Variants in OTOA observed in about 807,000 individuals in gnomAD.
OTOA encodes otoancorin.
A neutral mutation model predicts 110.8 loss-of-function variants in OTOA; 70 were observed. That is an observed-to-expected ratio of 0.63 (90% confidence interval 0.52 to 0.77). The LOEUF (loss-of-function observed/expected upper bound fraction) is 0.77, where lower values mean the gene tolerates loss of function less well. Among genes scored for constraint, OTOA ranks in the 30% least tolerant of loss-of-function variants. OTOA has a pLI of 0.00. For missense variants in OTOA, 917 were observed against 1,075.8 expected, an observed-to-expected ratio of 0.85 and a Z score of 2.06; for synonymous variants, 373 against 431.5, an observed-to-expected ratio of 0.86 and a Z score of 1.68.
In OTOA at chr16:21,687,777, C is replaced by T. The variant is rs552466353; in HGVS notation, c.635+129C>T. The T allele has an allele frequency of 1.3e-5, 11 of 828,592 alleles. No homozygotes were observed. In the East Asian group the frequency reaches 2.2e-4, roughly 16 times the overall value. The allele number at this position is 828,592 out of a possible 1,614,324, so 51.3% of individuals were successfully genotyped here. ...CTGCCTCCCAGGTTCAAGTGATTCT[C>T]CTGCCTCAATTCCAAGTAGCTGGGA... On this transcript the variant is annotated intron_variant, in intron 8 of 28. Transcript: ENST00000646100.
chr16:21,688,804 G>A (rs1897772535), intron 8 of OTOA, among the ~76,000 whole-genome samples: 1 of 152,116 alleles, frequency 6.6e-6, no homozygotes, highest in African/African-American at 2.4e-5. Flanking sequence ...ATACCTTCAT[G>A]TTGGGAATTA....
intron 21 of OTOA, among the ~76,000 whole-genome samples, chr16:21,731,949 A>T (rs1359550890): frequency 6.6e-6 from 1 of 152,062 alleles, no homozygotes; most frequent in African/African-American, 2.4e-5. Context: ...TGATGCACAC[A>T]TGTTTATTTT....
At chr16:21,669,517 T>C (rs1966846306) in intron 1 of OTOA, among the ~76,000 whole-genome samples, 1 of 152,176 alleles carries the variant, frequency 6.6e-6, no homozygotes, top group Non-Finnish European at 1.5e-5. Context: ...CTTCTCAAGC[T>C]TAGTATGTCC....
intron 9 of OTOA, 79 bp from the exon 10 acceptor site, chr16:21,697,696 T>C: frequency 7.9e-7 from 1 of 1,263,294 alleles, no homozygotes; most frequent in Non-Finnish European, 1.2e-6. Flanking sequence ...ACAGCAAAGA[T>C]GCTGTTGACT....
chr16:21,690,402 A>T (rs995350842), intron 8 of OTOA, among the ~76,000 whole-genome samples: 4 of 148,546 alleles, frequency 2.7e-5, no homozygotes, highest in Non-Finnish European at 5.9e-5. Flanking sequence ...TGTCCATGTG[A>T]TCTCATCGTT....
At chr16:21,760,162 G>A (rs1485955872) in intron 28 of OTOA, among the ~76,000 whole-genome samples, 1 of 151,848 alleles carries the variant, frequency 6.6e-6, no homozygotes, top group Non-Finnish European at 1.5e-5. Context: ...AATCACCTGG[G>A]AGAGATGCTT....
At chr16:21,705,469 C>A in intron 12 of OTOA, 177 bp downstream of exon 12, 3 of 947,734 alleles carry the variant, frequency 3.2e-6, no homozygotes, top group Non-Finnish European at 4.7e-6. Context: ...GAAGCCCAGA[C>A]AGAAAATAGC....
chr16:21,687,610 G>T lies in OTOA; in HGVS notation c.597G>T (p.Arg199=). 1 of 1,613,786 alleles carries T rather than the reference G, an allele frequency of 6.2e-7. No individual in the cohort carries two copies. Among genetic ancestry groups the T allele is most frequent in the Non-Finnish European group, 8.5e-7 (1 of 1,179,968 alleles). Residue 199 remains arginine (R), a synonymous_variant, in exon 8 of 29, where the codon CGG becomes CGT. Coordinates refer to ENST00000646100, the MANE Select transcript of OTOA (RefSeq NM_144672.4). ...GSFLQPDITE[R]LPRDLREDAF... ...TTCTCCAGCCAGACATCACAGAGCG[G>T]CTCCCTCGGGACCTGCGCGAGGATG...
chr16:21,692,132 G>C (rs547601306), intron 9 of OTOA, among the ~76,000 whole-genome samples: 8 of 152,254 alleles, frequency 5.3e-5, no homozygotes, highest in African/African-American at 1.9e-4. Flanking sequence ...TTTGAGACCA[G>C]CCTGACCGAC....
At chr16:21,675,887 T>C (rs1191320516) in intron 1 of OTOA, among the ~76,000 whole-genome samples, 1 of 152,200 alleles carries the variant, frequency 6.6e-6, no homozygotes, top group Admixed American at 6.6e-5. Flanking sequence ...TAATCAGCCA[T>C]ATTTTCCTGC....
intron 1 of OTOA, among the ~76,000 whole-genome samples, chr16:21,672,268 CA>C (rs1470239705): frequency 6.6e-6 from 1 of 152,056 alleles, no homozygotes; most frequent in East Asian, 1.9e-4. Flanking sequence ...TTTTCCTATG[CA>C]TATAATATGG....
At position 21,685,304 on chromosome 16, in the gene OTOA, C is replaced by T. The variant is rs751909775; in HGVS notation, c.342C>T (p.Asp114=). 14 of 1,613,252 alleles carry T rather than the reference C, an allele frequency of 8.7e-6. No individual in the cohort carries two copies. The African/African-American group carries it at 1.3e-4, about 15-fold the overall frequency. ...TGCTGGAGGACCTGAGGAAGACAGA[C>T]GCCCAGCAGTTCCGCACTGCCATGA... ...QKLLEDLRKT[D]AQQFRTAMKC... is the part of the protein sequence containing the mutation. The change falls in exon 7 of 29, where the codon GAC becomes GAT. Residue 114 remains aspartate (D), a synonymous_variant. Coordinates refer to ENST00000646100, the MANE Select transcript of OTOA (RefSeq NM_144672.4).
intron 9 of OTOA, among the ~76,000 whole-genome samples, chr16:21,694,274 C>T (rs1337886862): frequency 6.6e-6 from 1 of 151,956 alleles, no homozygotes; most frequent in Non-Finnish European, 1.5e-5. Flanking sequence ...GACCCCATTT[C>T]TTAAAAAATT....
intron 18 of OTOA, among the ~76,000 whole-genome samples, chr16:21,723,922 G>A (rs760647501): frequency 1.3e-5 from 2 of 152,146 alleles, no homozygotes; most frequent in Admixed American, 6.6e-5. Flanking sequence ...TTAATTGGGC[G>A]AATTTGTTTT....
intron 13 of OTOA, among the ~76,000 whole-genome samples, chr16:21,713,657 G>A (rs1898426182): frequency 6.6e-6 from 1 of 152,116 alleles, no homozygotes; most frequent in African/African-American, 2.4e-5. Context: ...TACGCAGCTG[G>A]GATTGAACCC....
At chr16:21,705,638 T>G (rs1344085576) in intron 12 of OTOA, among the ~76,000 whole-genome samples, 1 of 151,730 alleles carries the variant, frequency 6.6e-6, no homozygotes, top group Non-Finnish European at 1.5e-5. Context: ...CATGAGACCC[T>G]TGTCTCTGCA....
chr16:21,687,263 G>C, intron 7 of OTOA, 150 bp from the exon 8 acceptor site: 2 of 715,966 alleles, frequency 2.8e-6, no homozygotes. Flanking sequence ...TGTTCTGCAG[G>C]GAATGGAAAG....
intron 13 of OTOA, among the ~76,000 whole-genome samples, chr16:21,713,315 T>C (rs1898416587): frequency 6.6e-6 from 1 of 152,198 alleles, no homozygotes; most frequent in South Asian, 2.1e-4. Context: ...GTCATGGTTC[T>C]GAGCCAGATA....
chr16:21,717,184 T>G, intron 15 of OTOA, 137 bp downstream of exon 15: 1 of 1,314,568 alleles, frequency 7.6e-7, no homozygotes, highest in Non-Finnish European at 1.1e-6. Context: ...TAGTATAGTG[T>G]TAAGAATTTG....
Sources: allele counts gnomAD v4.1 joint callset (sites outside exome capture counted in the v4.1 genomes callset), GRCh38; gene constraint gnomAD v4.1.1; transcripts MANE v1.5; gene names NCBI Gene and HGNC (gene_info 2026-07-23, HGNC 2026-07-21).